Variants in SMAD3 observed in about 807,000 individuals in gnomAD.
SMAD3 encodes MAD homolog 3.
In SMAD3, 12 loss-of-function variants were observed where a neutral mutation model predicts 51.8. The observed-to-expected ratio is 0.23, with a 90% CI of 0.15 to 0.38. The LOEUF (loss-of-function observed/expected upper bound fraction) is 0.38. SMAD3 is among the 10% of genes least tolerant of loss of function. The pLI, the probability that SMAD3 is intolerant of heterozygous loss-of-function variation, is 1.00. For synonymous variants in SMAD3, 238 were observed against 227.7 expected (o/e 1.05, Z -0.41); for missense variants, 294 against 565.6 (o/e 0.52, Z 4.87).
At chr15:67,077,491 A>T (rs556509762) in intron 1 of SMAD3, among the ~76,000 whole-genome samples, 5 of 152,226 alleles carry the variant, frequency 3.3e-5, no homozygotes, top group Non-Finnish European at 7.3e-5. Flanking sequence ...TGTTTGCTGG[A>T]AATCTTTATT....
chr15:67,181,471 T>TGGCC lies in SMAD3; in HGVS notation c.871+18_871+19insGGCC. The TGGCC allele has an allele frequency of 1.3e-6, 2 of 1,521,070 alleles. No individual in the cohort carries two copies. The highest frequency in any genetic ancestry group is 1.8e-6 in the Non-Finnish European group (2 of 1,131,990). 94.2% of individuals were successfully genotyped at this position (1,521,070 alleles called of 1,614,324 possible). On this transcript the variant is annotated intron_variant, in intron 6 of 8. Transcript: ENST00000327367. ...ACACATCGGTATGGGGTGGCTCCAT[T>TGGCC]CCCCGCCCCCCCACCCTGCCCCTGC...
intron 1 of SMAD3, 134 bp downstream of exon 1, chr15:67,066,494 TGA>T: frequency 1.3e-6 from 1 of 744,126 alleles, no homozygotes; most frequent in Non-Finnish European, 2.2e-6. Flanking sequence ...TGCGTGTGTG[TGA>T]GAGTGGGAGA....
intron 1 of SMAD3, among the ~76,000 whole-genome samples, chr15:67,142,473 T>C (rs1421785256): frequency 6.6e-6 from 1 of 152,202 alleles, no homozygotes; most frequent in Non-Finnish European, 1.5e-5. Flanking sequence ...TTTTTCACCT[T>C]GTTAATGCTG....
chr15:67,134,192 C>T (rs1011780272), intron 1 of SMAD3, among the ~76,000 whole-genome samples: 4 of 151,992 alleles, frequency 2.6e-5, no homozygotes, highest in African/African-American at 9.7e-5. Flanking sequence ...AAGGCTCAAC[C>T]CCTGCAACGC....
intron 1 of SMAD3, among the ~76,000 whole-genome samples, chr15:67,129,346 C>T (rs1961467896): frequency 6.6e-6 from 1 of 152,158 alleles, no homozygotes; most frequent in African/African-American, 2.4e-5. Flanking sequence ...CCCACTTGTT[C>T]TTGGTTTTGC....
At chr15:67,103,202 C>T (rs1251843894) in intron 1 of SMAD3, among the ~76,000 whole-genome samples, 1 of 152,182 alleles carries the variant, frequency 6.6e-6, no homozygotes, top group Non-Finnish European at 1.5e-5. Flanking sequence ...CTTGCCCCTG[C>T]CTCCCATCAC....
intron 4 of SMAD3, among the ~76,000 whole-genome samples, chr15:67,168,828 T>C (rs1048309041): frequency 6.6e-6 from 1 of 152,164 alleles, no homozygotes; most frequent in Admixed American, 6.5e-5. Flanking sequence ...TGTTTTAGTC[T>C]CTGTTCTTCA....
chr15:67,179,910 C>A (rs764367545), intron 5 of SMAD3, among the ~76,000 whole-genome samples: 8 of 152,054 alleles, frequency 5.3e-5, no homozygotes, highest in Non-Finnish European at 1.2e-4. Context: ...CAGCCTGGGC[C>A]CTGGGACCTC....
At chr15:67,101,441 C>T (rs1398339602) in intron 1 of SMAD3, among the ~76,000 whole-genome samples, 1 of 152,028 alleles carries the variant, frequency 6.6e-6, no homozygotes, top group African/African-American at 2.4e-5. Context: ...TTTAGCAAGC[C>T]CCCTGACTCT....
chr15:67,102,535 T>C (rs1030723098), intron 1 of SMAD3, among the ~76,000 whole-genome samples: 1 of 152,108 alleles, frequency 6.6e-6, no homozygotes, highest in African/African-American at 2.4e-5. Context: ...TCCTCATCTG[T>C]GGGAATTGTA....
At chr15:67,077,952 G>A (rs1415181255) in intron 1 of SMAD3, 3 of 152,210 alleles carry the variant, frequency 2.0e-5, no homozygotes, top group East Asian at 1.9e-4. Flanking sequence ...GGAGTGGCAC[G>A]GTGAAAGCCA....
intron 1 of SMAD3, among the ~76,000 whole-genome samples, chr15:67,134,444 A>G (rs568963594): frequency 6.6e-6 from 1 of 152,262 alleles, no homozygotes; most frequent in East Asian, 1.9e-4. Context: ...AGGCCCTGTG[A>G]TGTCATTTCC....
At chr15:67,190,381 C>T (rs758165506) in intron 8 of SMAD3, 32 bp from the exon 9 acceptor site, 4 of 1,607,302 alleles carry the variant, frequency 2.5e-6, no homozygotes, top group Non-Finnish European at 3.4e-6. Context: ...TTTTTAAGTC[C>T]CCCACCCCAC....
intron 1 of SMAD3, among the ~76,000 whole-genome samples, chr15:67,131,848 G>C (rs979994276): frequency 1.3e-5 from 2 of 152,178 alleles, no homozygotes; most frequent in African/African-American, 2.4e-5. Flanking sequence ...AAATCACCCT[G>C]TCCAGGAGAT....
In SMAD3 at chr15:67,143,507, T is replaced by C. The variant is rs552417297; in HGVS notation, c.207-21388T>C. Among the ~76,000 whole-genome samples the C allele has an allele frequency of 9.8e-5, 15 of 152,340 alleles. 1 individual carries two copies. The highest frequency in any genetic ancestry group is 9.8e-4 in the Admixed American group (15 of 15,300). On this transcript the variant is annotated intron_variant, in intron 1 of 8. Coordinates refer to ENST00000327367, the MANE Select transcript of SMAD3 (RefSeq NM_005902.4). ...TGGAGTACAGTGGCCTGATCTCAGC[T>C]CACTGGAACCTCCGCCTCCCAGGTT...
intron 3 of SMAD3, chr15:67,166,087 T>C: frequency 1.3e-6 from 1 of 745,932 alleles, no homozygotes; most frequent in Non-Finnish European, 1.6e-6. Context: ...GTTAGTTTAC[T>C]GGGCTGAGAT....
chr15:67,088,033 C>T (rs74019899), intron 1 of SMAD3, among the ~76,000 whole-genome samples: 3,576 of 152,218 alleles, frequency 0.023, 147 homozygotes, highest in African/African-American at 0.082. Context: ...GTGATCACTC[C>T]GTCTCAACTA....
intron 6 of SMAD3, among the ~76,000 whole-genome samples, chr15:67,181,844 G>A (rs944014938): frequency 1.3e-5 from 2 of 150,500 alleles, no homozygotes; most frequent in African/African-American, 4.9e-5. Context: ...GGAGTGCAAT[G>A]GCACAATCTT....
intron 4 of SMAD3, among the ~76,000 whole-genome samples, chr15:67,169,622 ATTTT>A (rs11333560): frequency 1.6e-5 from 2 of 127,908 alleles, no homozygotes; most frequent in Non-Finnish European, 3.3e-5. Flanking sequence ...CTTACGGCTT[ATTTT>A]TTTTTTTTTT....
Sources: gnomAD v4.1 joint callset for allele counts (sites outside exome capture counted in the v4.1 genomes callset) on GRCh38, gnomAD v4.1.1 for gene constraint, MANE v1.5 for transcripts, NCBI Gene and HGNC (gene_info 2026-07-23, HGNC 2026-07-21) for gene names.